ARHGAP8: variants seen among roughly 807,000 people sequenced by gnomAD.
ARHGAP8 encodes the protein Rho GTPase activating protein 8.
A neutral mutation model predicts 46.1 loss-of-function variants in ARHGAP8; 62 were observed. That is an observed-to-expected ratio of 1.34 (90% CI 1.10 to 1.66). The LOEUF is 1.66. ARHGAP8 is among the 40% of genes most tolerant of loss of function. ARHGAP8 has a pLI of 0.00. For missense variants in ARHGAP8, 923 were observed against 568.4 expected (o/e 1.62, Z -6.34); for synonymous variants, 375 against 243.1 (o/e 1.54, Z -5.05).
At chr22:44,816,803 C>CAA (rs1183457228) in intron 5 of ARHGAP8, among the ~76,000 whole-genome samples, 1,161 of 66,170 alleles carry the variant, frequency 0.018, 42 homozygotes, top group African/African-American at 0.059. Flanking sequence ...GACCCTGTCT[C>CAA]AAAAAAAAAA....
intron 1 of ARHGAP8, among the ~76,000 whole-genome samples, chr22:44,776,751 G>A (rs532941272): frequency 6.6e-6 from 1 of 152,274 alleles, no homozygotes; most frequent in East Asian, 1.9e-4. Flanking sequence ...AGCGGGTGGC[G>A]TCAGAGCAGA....
rs1206662046 is a variant in ARHGAP8 at position 44,856,896 on chromosome 22, C to T, written c.878-2835C>T. On this transcript the variant is annotated intron_variant, in intron 10 of 11. Coordinates refer to ENST00000356099, the MANE Select transcript of ARHGAP8 (RefSeq NM_181335.3). Reference sequence around the variant, plus strand: ...CAAAGAGACTTTGACCACCCTCACACAGTCGCGCTGCAGACAGAAATCTGG... The same window carrying T: ...CAAAGAGACTTTGACCACCCTCACATAGTCGCGCTGCAGACAGAAATCTGG... Among the ~76,000 whole-genome samples the T allele has an allele frequency of 3.5e-5, 5 of 144,252 alleles. 2 individuals are homozygous for T. The highest frequency in any genetic ancestry group is 1.4e-4 in the African/African-American group (5 of 36,270). The allele number at this position is 144,252 out of a possible 152,430, so 94.6% of individuals were successfully genotyped here.
At chr22:44,842,152 A>G (rs1931694005) in intron 7 of ARHGAP8, among the ~76,000 whole-genome samples, 1 of 152,120 alleles carries the variant, frequency 6.6e-6, no homozygotes, top group Non-Finnish European at 1.5e-5. Context: ...TGGTCAAGAG[A>G]TAGAGATCAT....
At chr22:44,808,286 A>T (rs1454572806) in intron 3 of ARHGAP8, 21 bp from the exon 4 acceptor site, 6 of 1,601,330 alleles carry the variant, frequency 3.7e-6, no homozygotes, top group Middle Eastern at 1.7e-4. Flanking sequence ...TTCATAACTG[A>T]ATCTTCTGTG....
intron 7 of ARHGAP8, among the ~76,000 whole-genome samples, chr22:44,836,833 C>T (rs1157876970): frequency 6.6e-6 from 1 of 151,924 alleles, no homozygotes; most frequent in African/African-American, 2.4e-5. Context: ...TTTCAGGTTG[C>T]CATTCCTCCC....
At chr22:44,822,543 G>C in intron 6 of ARHGAP8, 74 bp downstream of exon 6, 8 of 1,310,100 alleles carry the variant, frequency 6.1e-6, no homozygotes, top group Non-Finnish European at 7.2e-6. Flanking sequence ...TCAGTCCCAT[G>C]AATGTTTAAG....
In ARHGAP8 at chr22:44,857,191, C is replaced by T. The variant is rs1018452940; in HGVS notation, c.878-2540C>T. Among the ~76,000 whole-genome samples the T allele has an allele frequency of 3.3e-5, 5 of 149,760 alleles. 1 individual carries two copies. The highest frequency in any genetic ancestry group is 3.9e-4 in the East Asian group (2 of 5,100). On this transcript the variant is annotated intron_variant, in intron 10 of 11. Coordinates refer to ENST00000356099, the MANE Select transcript of ARHGAP8 (RefSeq NM_181335.3). ...CTGACCTCAGGTGATTCACCCACCTCGGCCTCTGAAAGTGCTGGTATTATA... is the reference window on the plus strand; with the variant it reads ...CTGACCTCAGGTGATTCACCCACCTTGGCCTCTGAAAGTGCTGGTATTATA...
At chr22:44,800,306 A>G (rs1323219503) in intron 2 of ARHGAP8, among the ~76,000 whole-genome samples, 1 of 152,000 alleles carries the variant, frequency 6.6e-6, no homozygotes, top group Non-Finnish European at 1.5e-5. Flanking sequence ...GGGTTTCACC[A>G]TGCTGGCCAG....
intron 10 of ARHGAP8, among the ~76,000 whole-genome samples, chr22:44,851,628 C>G (rs769813210): frequency 1.1e-4 from 16 of 152,024 alleles, no homozygotes; most frequent in Non-Finnish European, 2.9e-5. Flanking sequence ...AGTTTGAGTC[C>G]AAGAGTTTGA....
intron 5 of ARHGAP8, among the ~76,000 whole-genome samples, chr22:44,817,176 C>T (rs1476034752): frequency 1.3e-5 from 2 of 152,214 alleles, no homozygotes. Context: ...CGTGAGCCAC[C>T]ATGCCCGGCC....
At chr22:44,840,274 A>G (rs1410858021) in intron 7 of ARHGAP8, among the ~76,000 whole-genome samples, 1 of 152,218 alleles carries the variant, frequency 6.6e-6, no homozygotes, top group East Asian at 1.9e-4. Flanking sequence ...GGAGGTCACA[A>G]GTCCTGAAAT....
intron 4 of ARHGAP8, among the ~76,000 whole-genome samples, chr22:44,811,264 G>A (rs1185039145): frequency 1.3e-5 from 2 of 152,254 alleles, no homozygotes; most frequent in African/African-American, 2.4e-5. Flanking sequence ...GTTGGAATCT[G>A]TGTTGCCAGC....
chr22:44,789,377 C>T (rs1433023551), intron 2 of ARHGAP8, among the ~76,000 whole-genome samples: 1 of 152,152 alleles, frequency 6.6e-6, no homozygotes, highest in Admixed American at 6.5e-5. Context: ...TCTCAAACTC[C>T]TGACCTCAGG....
rs886523432 is a variant in ARHGAP8, at chr22:44,820,615, C to T, written c.387-1756C>T. Among the ~76,000 whole-genome samples, 33 of 152,164 alleles carry T rather than the reference C, an allele frequency of 2.2e-4. 1 individual carries two copies. The highest frequency in any genetic ancestry group is 1.5e-5 in the Non-Finnish European group (1 of 68,016). On this transcript the variant is annotated intron_variant, in intron 5 of 11. Transcript: ENST00000356099. ...CTGGGGTGCAGGCACTAAGGCAGGC[C>T]CCGCTTTCCTCCCTCCCCTTGTGCT...
At chr22:44,762,843 G>A (rs1925247762) in intron 1 of ARHGAP8, among the ~76,000 whole-genome samples, 1 of 151,944 alleles carries the variant, frequency 6.6e-6, no homozygotes, top group South Asian at 2.1e-4. Context: ...CGTTCCCAGC[G>A]ATTATGAGCT....
chr22:44,821,188 T>C (rs1930106653), intron 5 of ARHGAP8, among the ~76,000 whole-genome samples: 1 of 152,046 alleles, frequency 6.6e-6, no homozygotes, highest in Non-Finnish European at 1.5e-5. Flanking sequence ...TCCCAGCACT[T>C]TGGGAGGCCA....
chr22:44,779,799 C>T (rs1926710283), intron 1 of ARHGAP8, among the ~76,000 whole-genome samples: 1 of 151,996 alleles, frequency 6.6e-6, no homozygotes, highest in Non-Finnish European at 1.5e-5. Flanking sequence ...GAACTCCTGA[C>T]CCCGGTTGAT....
chr22:44,845,481 G>GTCTGGGC (rs2069932088), intron 8 of ARHGAP8, 139 bp downstream of exon 8: 1 of 1,182,528 alleles, frequency 8.5e-7, no homozygotes, highest in African/African-American at 1.5e-5. Flanking sequence ...GTGGCTCCAG[G>GTCTGGGC]TCTGGGCTCT....
chr22:44,803,189 C>T (rs921872584), intron 3 of ARHGAP8, among the ~76,000 whole-genome samples: 3 of 152,092 alleles, frequency 2.0e-5, no homozygotes, highest in Non-Finnish European at 1.5e-5. Context: ...TGGAAGGGGC[C>T]GAGTGAGGGG....
Sources: gnomAD v4.1 joint callset for allele counts (sites outside exome capture counted in the v4.1 genomes callset) on GRCh38, gnomAD v4.1.1 for gene constraint, MANE v1.5 for transcripts, NCBI Gene and HGNC (gene_info 2026-07-23, HGNC 2026-07-21) for gene names.